HKDC1: variants seen among roughly 807,000 people sequenced by gnomAD.
HKDC1 encodes the protein hexokinase HKDC1.
In HKDC1, 66 loss-of-function variants were observed where a neutral mutation model predicts 96.6. The ratio of observed to expected loss-of-function variants is 0.68; its 90% CI spans 0.56 to 0.84. The LOEUF is 0.84. HKDC1 is among the 40% of genes least tolerant of loss of function. The pLI is 0.00. For synonymous variants in HKDC1, 466 were observed against 473.1 expected, an observed-to-expected ratio of 0.98 and a Z score of 0.20; for missense variants, 1,211 against 1,208.1, an observed-to-expected ratio of 1.00 and a Z score of -0.04.
chr10:69,246,732 C>G (rs543030277), intron 8 of HKDC1, among the ~76,000 whole-genome samples: 1 of 152,218 alleles, frequency 6.6e-6, no homozygotes, highest in South Asian at 2.1e-4. Context: ...ACACACAGGT[C>G]CCTCGCATGG....
At chr10:69,266,547 T>A (rs1843901742) in intron 17 of HKDC1, 63 bp from the exon 18 acceptor site, 1 of 1,535,260 alleles carries the variant, frequency 6.5e-7, no homozygotes, top group Admixed American at 1.9e-5. Context: ...TAGATTATGA[T>A]CATTTATAAA....
At chr10:69,260,567 C>T (rs1011999346) in intron 15 of HKDC1, among the ~76,000 whole-genome samples, 2 of 152,156 alleles carry the variant, frequency 1.3e-5, no homozygotes, top group African/African-American at 4.8e-5. Context: ...GTTAAGAGAA[C>T]CCAAGCCCAG....
chr10:69,249,645 A>G (rs1029835504), intron 10 of HKDC1, among the ~76,000 whole-genome samples: 1 of 152,084 alleles, frequency 6.6e-6, no homozygotes, highest in African/African-American at 2.4e-5. Flanking sequence ...ACAGGCGCCC[A>G]GCACCACACC....
In HKDC1 at chr10:69,252,350, AAAAC is replaced by A. The variant is rs926695813; in HGVS notation, c.1836+1708_1836+1711del. 7.2e-5 allele frequency among the ~76,000 whole-genome samples: 11 copies of A among 152,086 alleles called. 1 individual carries two copies. Among genetic ancestry groups the A allele is most frequent in the Non-Finnish European group, 1.3e-4 (9 of 67,972 alleles). ...AACATAGTGAGACCCTGTGTCTTAA[AAAAC>A]AAACAAACAGGCCGGGAGCGGTGGC... On this transcript the variant is annotated intron_variant, in intron 12 of 17. Transcript: ENST00000354624.
intron 5 of HKDC1, among the ~76,000 whole-genome samples, chr10:69,239,948 C>T (rs1843429323): frequency 6.6e-6 from 1 of 152,168 alleles, no homozygotes; most frequent in Admixed American, 6.5e-5. Flanking sequence ...TTCTTCCAAA[C>T]TTTGGGGGAT....
At chr10:69,259,053 C>T in intron 15 of HKDC1, 94 bp downstream of exon 15, 1 of 953,530 alleles carries the variant, frequency 1.0e-6, no homozygotes, top group East Asian at 3.1e-5. Context: ...GCTTTGTGTG[C>T]TTATTACAGC....
Position 69,247,504 on chromosome 10 carries a change from C to T in HKDC1, c.1176C>T (p.Ala392=), listed in dbSNP as rs771683144. Residue 392 remains alanine (A), a synonymous_variant, in exon 9 of 18, where the codon GCC becomes GCT. Transcript: ENST00000354624. ...SANLCAAALA[A]ILTRLRENKK... ...ATCTCTGTGCAGCAGCTCTGGCGGCCATCCTGACACGCCTCCGGGAGAACA... is the reference window on the plus strand; with the variant it reads ...ATCTCTGTGCAGCAGCTCTGGCGGCTATCCTGACACGCCTCCGGGAGAACA... 6.2e-7 allele frequency: 1 copy of T among 1,614,186 alleles called. No homozygotes were observed. The highest frequency in any genetic ancestry group is 2.2e-5 in the East Asian group (1 of 44,880).
chr10:69,232,952 T>C (rs1414814581), intron 3 of HKDC1, 40 bp downstream of exon 3: 1 of 1,612,280 alleles, frequency 6.2e-7, no homozygotes, highest in Non-Finnish European at 8.5e-7. Context: ...GGGAAGGCGG[T>C]GGCATCCGTG....
rs771233478 is a variant in HKDC1 at position 69,243,342 on chromosome 10, C to G, written c.852C>G (p.Gly284=). ...RTEFDRELDL[G]SLNPGKQLFE... ...AGTTCGACAGGGAGCTGGACCTCGG[C>G]TCTCTCAACCCAGGAAAGCAACTGT... Residue 284 remains glycine, a synonymous_variant, in exon 7 of 18, where the codon GGC becomes GGG. Coordinates refer to ENST00000354624, the MANE Select transcript of HKDC1 (RefSeq NM_025130.4). 6.3e-7 allele frequency: 1 copy of G among 1,597,548 alleles called. No homozygotes were observed. The highest frequency in any genetic ancestry group is 2.2e-5 in the East Asian group (1 of 44,568).
Position 69,267,279 on chromosome 10 carries a change from A to C in HKDC1, c.*522A>C. 1 of 331,470 alleles carries C rather than the reference A, an allele frequency of 3.0e-6. No individual in the cohort carries two copies. The highest frequency in any genetic ancestry group is 2.5e-5 in the South Asian group (1 of 39,362). 20.5% of individuals were successfully genotyped at this position (331,470 alleles called of 1,614,324 possible). On this transcript the variant is annotated 3_prime_UTR_variant, in exon 18 of 18. Coordinates refer to ENST00000354624, the MANE Select transcript of HKDC1 (RefSeq NM_025130.4). ...CCATGTTGACTTCAAACCTATTAAG[A>C]GAACAAAGACTTTGAAGTATCCAGC... is the stretch of plus-strand genomic sequence containing the variant.
chr10:69,255,368 A>G (rs1843702410), intron 12 of HKDC1, among the ~76,000 whole-genome samples: 1 of 152,188 alleles, frequency 6.6e-6, no homozygotes, highest in Non-Finnish European at 1.5e-5. Context: ...TTTCCCAAGA[A>G]CTATGGAGGG....
At position 69,265,699 on chromosome 10, in the gene HKDC1, G is replaced by A. The variant is rs749311990; in HGVS notation, c.2487G>A (p.Ala829=). 39 of 1,613,284 alleles carry A rather than the reference G, an allele frequency of 2.4e-5. No homozygotes were observed. Among genetic ancestry groups the A allele is most frequent in the East Asian group, 1.8e-4 (8 of 44,894 alleles). Residue 829 remains alanine (A), a synonymous_variant, in exon 17 of 18, where the codon GCG becomes GCA. Coordinates refer to ENST00000354624, the MANE Select transcript of HKDC1 (RefSeq NM_025130.4). ...KEVCGAVSRR[A]AQLCGAGLAA... ...TGTGCGGAGCCGTGTCCCGGCGGGC[G>A]GCCCAGCTCTGCGGTGCTGGCCTGG...
intron 1 of HKDC1, among the ~76,000 whole-genome samples, chr10:69,223,578 ATTT>A (rs60016100): frequency 5.8e-5 from 5 of 85,602 alleles, no homozygotes; most frequent in Admixed American, 1.5e-4. Context: ...CCACAATCTA[ATTT>A]TTTTTTTTTT....
In HKDC1 at chr10:69,265,586, G is replaced by A. The variant is rs200049397; in HGVS notation, c.2374G>A (p.Asp792Asn). 1.3e-5 allele frequency: 21 copies of A among 1,613,376 alleles called. No homozygotes were observed. The highest frequency in any genetic ancestry group is 4.0e-5 in the African/African-American group (3 of 74,894). ...ETKFLSQIESDRLALLQVRRI... is the reference protein window; with the variant it reads ...ETKFLSQIESNRLALLQVRRI... ...GACTCCCTGCTCTATTGCCTGCAGC[G>A]ATCGGCTGGCCCTTCTCCAGGTCAG... Residue 792 changes from aspartate (D) to asparagine (N), a missense_variant and splice_region_variant, in exon 17 of 18, where the codon GAT becomes AAT. By Grantham distance (23) the Asp-to-Asn change is conservative. Coordinates refer to ENST00000354624, the MANE Select transcript of HKDC1 (RefSeq NM_025130.4).
chr10:69,254,550 G>T (rs988734919), intron 12 of HKDC1, among the ~76,000 whole-genome samples: 1 of 151,968 alleles, frequency 6.6e-6, no homozygotes, highest in Non-Finnish European at 1.5e-5. Context: ...CTACTTATTG[G>T]CTGTGTGACC....
At position 69,227,210 on chromosome 10, in the gene HKDC1, G is replaced by T; in HGVS notation, c.67G>T (p.Asp23Tyr). The T allele has an allele frequency of 6.2e-7, 1 of 1,614,162 alleles. No individual in the cohort carries two copies. Among genetic ancestry groups the T allele is most frequent in the Non-Finnish European group, 8.5e-7 (1 of 1,180,026 alleles). ...KLKEDQIKKV[D>Y]RFLYHMRLSD... The stretch of plus-strand genomic sequence containing the variant: ...TGGTGGCCGGTGTCTGTTCCAGGTG[G>T]ACAGGTTCCTGTATCACATGCGGCT... Residue 23 changes from aspartate to tyrosine, a missense_variant, in exon 2 of 18, where the codon GAC (aspartate) becomes TAC (tyrosine). Physicochemically the swap from Asp to Tyr is radical, Grantham distance 160. Transcript: ENST00000354624.
Position 69,257,131 on chromosome 10 carries a change from C to T in HKDC1, c.1932C>T (p.Asn644=), listed in dbSNP as rs367790898. 5.3e-5 allele frequency: 86 copies of T among 1,612,978 alleles called. No individual in the cohort carries two copies. Among genetic ancestry groups the T allele is most frequent in the South Asian group, 1.4e-4 (13 of 91,060 alleles). Residue 644 remains asparagine, a splice_region_variant and synonymous_variant, in exon 13 of 18, where the codon AAC becomes AAT. Transcript: ENST00000354624. ...DMLREAIKRR[N]EFDLDIVAVV... ...TCAGGGAAGCCATCAAGAGGAGAAA[C>T]GTAGGATGTGGTGTTGAGGCTCATG...
chr10:69,261,341 G>T, intron 16 of HKDC1, 47 bp downstream of exon 16: 1 of 1,586,094 alleles, frequency 6.3e-7, no homozygotes, highest in South Asian at 1.1e-5. Flanking sequence ...GGCATATGCT[G>T]CCACCACGCT....
chr10:69,254,825 C>T (rs900238959), intron 12 of HKDC1, among the ~76,000 whole-genome samples: 6 of 151,514 alleles, frequency 4.0e-5, no homozygotes, highest in Middle Eastern at 3.4e-3. Flanking sequence ...GTAATTTCAC[C>T]CCTGAAATAA....
Sources: gnomAD v4.1 joint callset for allele counts (sites outside exome capture counted in the v4.1 genomes callset) on GRCh38, gnomAD v4.1.1 for gene constraint, MANE v1.5 for transcripts, NCBI Gene and HGNC (gene_info 2026-07-23, HGNC 2026-07-21) for gene names.